The following ZNF268 variants were observed in gnomAD, a reference collection of about 807,000 sequenced individuals.
ZNF268 encodes zinc finger protein 3.
Under a neutral mutation model 29.3 loss-of-function variants are expected in ZNF268, and 20 were observed. The observed-to-expected ratio is 0.68, with a 90% CI of 0.48 to 0.99. ZNF268 has a LOEUF of 0.99. ZNF268 is among the 50% of genes least tolerant of loss of function. The probability of loss-of-function intolerance (pLI) is 0.00; values close to 1 mark genes in which losing one functional copy is unlikely to be tolerated. For synonymous variants in ZNF268, 429 were observed against 376.9 expected, an observed-to-expected ratio of 1.14 and a Z score of -1.60; for missense variants, 1,240 against 1,121.6, an observed-to-expected ratio of 1.11 and a Z score of -1.51.
intron 5 of ZNF268, 139 bp downstream of exon 5, chr12:133,192,142 TTG>T: frequency 1.5e-6 from 1 of 662,446 alleles, no homozygotes; most frequent in Non-Finnish European, 2.4e-6. Context: ...GAGTTTCACT[TTG>T]TTGCCCAGGC....
At chr12:133,197,061 A>G (rs1375633415) in intron 5 of ZNF268, among the ~76,000 whole-genome samples, 2 of 146,648 alleles carry the variant, frequency 1.4e-5, no homozygotes, top group Non-Finnish European at 3.0e-5. Flanking sequence ...TTATACTTTA[A>G]GTTTTAGAGT....
chr12:133,201,899 G>A (rs1325730700), intron 5 of ZNF268, among the ~76,000 whole-genome samples: 2 of 152,016 alleles, frequency 1.3e-5, no homozygotes, highest in East Asian at 3.9e-4. Context: ...CCTATCTTCA[G>A]TTTGGTTTTT....
Position 133,204,156 on chromosome 12 carries a change from A to T in ZNF268, c.2470A>T (p.Ile824Phe). Reference protein sequence around the residue: ...GKAFIWKSLLIVHERTHAGVN... With the variant: ...GKAFIWKSLLFVHERTHAGVN... ...AGCCTTCATTTGGAAATCACTACTC[A>T]TTGTACATGAGCGAACTCATGCAGG... is the stretch of plus-strand genomic sequence containing the variant. Residue 824 changes from isoleucine to phenylalanine, a missense_variant, in exon 6 of 6, where the codon ATT becomes TTT. By Grantham distance (21) the Ile-to-Phe change is conservative (BLOSUM62 0). This residue lies in a region of ZNF268 where 1,177 missense variants were observed against 1,039.6 expected (regional missense o/e 1.13). Coordinates refer to ENST00000536435, the MANE Select transcript of ZNF268 (RefSeq NM_003415.3). The T allele has an allele frequency of 6.5e-7, 1 of 1,542,436 alleles. No homozygotes were observed. The highest frequency in any genetic ancestry group is 8.7e-7 in the Non-Finnish European group (1 of 1,147,288).
Position 133,211,200 on chromosome 12 carries a change from G to A in ZNF268, c.*6670G>A. 7.4e-6 allele frequency: 2 copies of A among 269,196 alleles called. No homozygotes were observed. Among genetic ancestry groups the A allele is most frequent in the South Asian group, 2.3e-5 (1 of 42,776 alleles). 16.7% of individuals were successfully genotyped at this position (269,196 alleles called of 1,614,324 possible). A position where few individuals can be genotyped will look rare whatever the true frequency, so the allele number is the denominator to read the frequency against. ...AAAAAATCTGAAAAAGTGTTTGTAT[G>A]CAAAATATAAAAAAAAAACCCTAAA... is the stretch of plus-strand genomic sequence containing the variant. On this transcript the variant is annotated 3_prime_UTR_variant, in exon 6 of 6. Coordinates refer to ENST00000536435, the MANE Select transcript of ZNF268 (RefSeq NM_003415.3).
Position 133,204,665 on chromosome 12 carries a change from C to T in ZNF268, c.*135C>T. 2 of 652,094 alleles carry T rather than the reference C, an allele frequency of 3.1e-6. No homozygotes were observed. The highest frequency in any genetic ancestry group is 4.9e-6 in the Non-Finnish European group (2 of 408,322). 40.4% of individuals were successfully genotyped at this position (652,094 alleles called of 1,614,324 possible). On this transcript the variant is annotated 3_prime_UTR_variant, in exon 6 of 6. Transcript: ENST00000536435. ...GAATAGAAACTTTATGAATGCACAGCATATGGAAAGGCATCCACAGAAAGC... is the reference window on the plus strand; with the variant it reads ...GAATAGAAACTTTATGAATGCACAGTATATGGAAAGGCATCCACAGAAAGC...
intron 3 of ZNF268, 170 bp from the exon 4 acceptor site, chr12:133,191,319 C>CA (rs1222335571): frequency 0.1 from 54,774 of 532,610 alleles, 5 homozygotes; most frequent in South Asian, 0.13. Flanking sequence ...TCTGTCTCAA[C>CA]AAAAAAAAAA....
rs1432378705 is a variant in ZNF268 at position 133,194,811 on chromosome 12, A to G, written c.457+2808A>G. Among the ~76,000 whole-genome samples the G allele has an allele frequency of 4.6e-5, 7 of 152,342 alleles. No individual in the cohort carries two copies. The South Asian group carries it at 1.0e-3, about 23-fold the overall frequency. ...AGGGCAGAAGAACCACTGGGTAAGCAGCACTGTCTGCCTTCACCTTCCTTG... is the reference window on the plus strand; with the variant it reads ...AGGGCAGAAGAACCACTGGGTAAGCGGCACTGTCTGCCTTCACCTTCCTTG... On this transcript the variant is annotated intron_variant, in intron 5 of 5. Transcript: ENST00000536435.
intron 1 of ZNF268, 24 bp downstream of exon 1, chr12:133,181,710 G>A (rs1204145977): frequency 9.7e-6 from 4 of 412,586 alleles, no homozygotes; most frequent in Non-Finnish European, 1.3e-5. Context: ...CCGGTTTCAA[G>A]GCGGCGGGAC....
At chr12:133,196,038 AAAAG>A (rs1317983244) in intron 5 of ZNF268, among the ~76,000 whole-genome samples, 5 of 150,640 alleles carry the variant, frequency 3.3e-5, no homozygotes, top group Non-Finnish European at 7.4e-5. Flanking sequence ...AAAAAAAAAA[AAAAG>A]GCCAGGTGTG....
rs1343948566 is a variant in ZNF268 at position 133,205,175 on chromosome 12, C to CAAAAAAAAAAAA, written c.*647_*648insAAAAAAAAAAAA. On this transcript the variant is annotated 3_prime_UTR_variant, in exon 6 of 6. Coordinates refer to ENST00000536435, the MANE Select transcript of ZNF268 (RefSeq NM_003415.3). ...AAAAAAAAAAAAAAAAAAAAAAAAC[C>CAAAAAAAAAAAA]AACCTGTTATTATATCTTAATATTA... 11 of 21,788 alleles carry CAAAAAAAAAAAA rather than the reference C, an allele frequency of 5.0e-4. No homozygotes were observed. The highest frequency in any genetic ancestry group is 6.8e-3 in the East Asian group (1 of 146). 1.3% of individuals were successfully genotyped at this position (21,788 alleles called of 1,614,324 possible).
In ZNF268 at chr12:133,204,236, C is replaced by G; in HGVS notation, c.2550C>G (p.Arg850=). The change falls in exon 6 of 6, where the codon CGC becomes CGG. Residue 850 remains arginine (R), a synonymous_variant. Coordinates refer to ENST00000536435, the MANE Select transcript of ZNF268 (RefSeq NM_003415.3). ...AGAAATCCTTCAGTGGGAAATTACG[C>G]CTTCTTGTACACCAGAGAATGCACA... ...QCEKSFSGKL[R]LLVHQRMHTR... is the part of the protein sequence containing the mutation. The G allele has an allele frequency of 6.5e-7, 1 of 1,542,904 alleles. No individual in the cohort carries two copies. Among genetic ancestry groups the G allele is most frequent in the Non-Finnish European group, 8.7e-7 (1 of 1,148,526 alleles).
intron 2 of ZNF268, among the ~76,000 whole-genome samples, chr12:133,182,646 C>T (rs1429973114): frequency 6.6e-6 from 1 of 152,136 alleles, no homozygotes; most frequent in Non-Finnish European, 1.5e-5. Context: ...AGATTCTTAA[C>T]CTTAGGTTTG....
At chr12:133,181,799 AG>A in intron 1 of ZNF268, 113 bp downstream of exon 1, 1 of 603,984 alleles carries the variant, frequency 1.7e-6, no homozygotes, top group South Asian at 1.9e-5. Flanking sequence ...TGTGTTGGTG[AG>A]GGTGTGGAGA....
At position 133,204,008 on chromosome 12, in the gene ZNF268, T is replaced by C. The variant is rs776772358; in HGVS notation, c.2322T>C (p.His774=). 3.2e-6 allele frequency: 5 copies of C among 1,579,678 alleles called. No individual in the cohort carries two copies. The East Asian group carries it at 1.2e-4, about 37-fold the overall frequency. Residue 774 remains histidine (H), a synonymous_variant, in exon 6 of 6, where the codon CAT becomes CAC. Coordinates refer to ENST00000536435, the MANE Select transcript of ZNF268 (RefSeq NM_003415.3). ...AGCTCATTTCACATCAGCGAACTCATGCAGGGGAAAAGCCTTATGGGTGCA... is the reference window on the plus strand; with the variant it reads ...AGCTCATTTCACATCAGCGAACTCACGCAGGGGAAAAGCCTTATGGGTGCA... ...KDQLISHQRT[H]AGEKPYGCSE...
rs1266073688 is a variant in ZNF268 at position 133,205,163 on chromosome 12, A to AC, written c.*633_*634insC. On this transcript the variant is annotated 3_prime_UTR_variant, in exon 6 of 6. Transcript: ENST00000536435. The stretch of plus-strand genomic sequence containing the variant: ...TCATTCTAAAAAAAAAAAAAAAAAA[A>AC]AAAAAAAAAACCAACCTGTTATTAT... 4.2e-5 allele frequency: 6 copies of AC among 141,978 alleles called. No homozygotes were observed. Among genetic ancestry groups the AC allele is most frequent in the African/African-American group, 1.3e-4 (5 of 38,798 alleles). 8.8% of individuals were successfully genotyped at this position (141,978 alleles called of 1,614,324 possible). A position where few individuals can be genotyped will look rare whatever the true frequency, so the allele number is the denominator to read the frequency against.
chr12:133,191,632 TGAG>T lies in ZNF268; in HGVS notation c.361+24_361+26del, dbSNP rs1424363094. The T allele has an allele frequency of 2.5e-6, 4 of 1,612,196 alleles. No individual in the cohort carries two copies. Among genetic ancestry groups the T allele is most frequent in the Non-Finnish European group, 3.4e-6 (4 of 1,178,738 alleles). Reference sequence around the variant, plus strand: ...TGTCCCTAGGTAAGTGCTGCCTCCCTGAGGAGGAGTGTGCTCGATCTCCAGGCT... The same window carrying T: ...TGTCCCTAGGTAAGTGCTGCCTCCCTGAGGAGTGTGCTCGATCTCCAGGCT... On this transcript the variant is annotated intron_variant, in intron 4 of 5. Transcript: ENST00000536435.
At position 133,203,392 on chromosome 12, in the gene ZNF268, A is replaced by G; in HGVS notation, c.1706A>G (p.Tyr569Cys). The change falls in exon 6 of 6, where the codon TAC becomes TGC. Residue 569 changes from tyrosine to cysteine, a missense_variant. Tyr to Cys is a radical substitution (Grantham distance 194, BLOSUM62 -2). Coordinates refer to ENST00000536435, the MANE Select transcript of ZNF268 (RefSeq NM_003415.3). Reference protein sequence around the residue: ...HECGKAFSRKYQLISHQRTHA... With the variant: ...HECGKAFSRKCQLISHQRTHA... The stretch of plus-strand genomic sequence containing the variant: ...TGTGGGAAAGCCTTCAGTCGGAAAT[A>G]CCAGCTTATTTCACACCAGAGAACT... 6.5e-7 allele frequency: 1 copy of G among 1,546,742 alleles called. No individual in the cohort carries two copies. The highest frequency in any genetic ancestry group is 8.7e-7 in the Non-Finnish European group (1 of 1,150,634).
At position 133,207,849 on chromosome 12, in the gene ZNF268, ATATTT is replaced by A. The variant is rs1428804414; in HGVS notation, c.*3322_*3326del. ...TGTTTGGAAGATTTAATATTAGAAAATATTTTAATTAACTACCAGATAAAACTCAT... is the reference window on the plus strand; with the variant it reads ...TGTTTGGAAGATTTAATATTAGAAAATAATTAACTACCAGATAAAACTCAT... On this transcript the variant is annotated 3_prime_UTR_variant, in exon 6 of 6. Coordinates refer to ENST00000536435, the MANE Select transcript of ZNF268 (RefSeq NM_003415.3). The A allele has an allele frequency of 1.3e-5, 2 of 152,176 alleles. No homozygotes were observed. Among genetic ancestry groups the A allele is most frequent in the African/African-American group, 2.4e-5 (1 of 41,444 alleles). The allele number at this position is 152,176 out of a possible 1,614,324, so 9.4% of individuals were successfully genotyped here. A position where few individuals can be genotyped will look rare whatever the true frequency, so the allele number is the denominator to read the frequency against.
At position 133,203,416 on chromosome 12, in the gene ZNF268, C is replaced by T. The variant is rs747405850; in HGVS notation, c.1730C>T (p.Thr577Ile). ...TACCAGCTTATTTCACACCAGAGAA[C>T]TCATGCAGGAGAGAAGCCTTATGAA... The part of the protein sequence containing the change: ...RKYQLISHQR[T>I]HAGEKPYECT... Residue 577 changes from threonine to isoleucine, a missense_variant, in exon 6 of 6, where the codon ACT becomes ATT. Thr to Ile is a moderately conservative substitution (Grantham distance 89, BLOSUM62 -1). Coordinates refer to ENST00000536435, the MANE Select transcript of ZNF268 (RefSeq NM_003415.3). The T allele has an allele frequency of 6.5e-6, 10 of 1,544,394 alleles. No homozygotes were observed. The highest frequency in any genetic ancestry group is 1.7e-4 in the Middle Eastern group (1 of 6,016).
Sources: allele counts gnomAD v4.1 joint callset (sites outside exome capture counted in the v4.1 genomes callset), GRCh38; gene constraint gnomAD v4.1.1; regional missense constraint gnomAD v4.1.1; transcripts MANE v1.5; gene names NCBI Gene and HGNC (gene_info 2026-07-23, HGNC 2026-07-21).